The following FUT8 variants were observed in gnomAD, a reference collection of about 807,000 sequenced individuals.
The protein encoded by FUT8 is fucosyltransferase 8, also known as alpha-(1,6)-fucosyltransferase.
Under a neutral mutation model 71.3 loss-of-function variants are expected in FUT8, and 29 were observed. The ratio of observed to expected loss-of-function variants is 0.41; its 90% CI spans 0.30 to 0.55. FUT8 has a LOEUF of 0.55. Among genes scored for constraint, FUT8 ranks in the 20% least tolerant of loss-of-function variants. The pLI is 0.34. For missense variants in FUT8, 544 were observed against 702.1 expected, an observed-to-expected ratio of 0.77 and a Z score of 2.55; for synonymous variants, 254 against 239.3, an observed-to-expected ratio of 1.06 and a Z score of -0.57.
chr14:65,579,543 G>A (rs1886965428), intron 3 of FUT8, among the ~76,000 whole-genome samples: 1 of 152,126 alleles, frequency 6.6e-6, no homozygotes, highest in Non-Finnish European at 1.5e-5. Context: ...ACACAAGTTT[G>A]CTAGATTAGG....
chr14:65,606,880 G>A (rs1162367084), intron 3 of FUT8, among the ~76,000 whole-genome samples: 3 of 151,778 alleles, frequency 2.0e-5, no homozygotes, highest in Non-Finnish European at 4.4e-5. Flanking sequence ...ATCAATTTGG[G>A]AAACAACTAC....
chr14:65,573,405 T>TCAA (rs1886591441), intron 3 of FUT8, among the ~76,000 whole-genome samples: 3 of 151,896 alleles, frequency 2.0e-5, no homozygotes, highest in Admixed American at 6.6e-5. Flanking sequence ...CTTTCAATAT[T>TCAA]TGGAAAATAA....
At chr14:65,605,036 A>T (rs1302948925) in intron 3 of FUT8, among the ~76,000 whole-genome samples, 6 of 151,952 alleles carry the variant, frequency 3.9e-5, no homozygotes, top group Non-Finnish European at 5.9e-5. Context: ...ATGTAAGATT[A>T]TTCATGATTG....
chr14:65,710,586 T>G (rs1894766660), intron 7 of FUT8, among the ~76,000 whole-genome samples: 1 of 152,178 alleles, frequency 6.6e-6, no homozygotes. Context: ...TTGTTGGTGA[T>G]GATTTTTTTT....
At chr14:65,475,946 C>T (rs1000224926) in intron 2 of FUT8, among the ~76,000 whole-genome samples, 4 of 152,098 alleles carry the variant, frequency 2.6e-5, no homozygotes, top group Non-Finnish European at 5.9e-5. Context: ...GGGTCTTTCT[C>T]ACCCTGCTGT....
chr14:65,521,660 T>C (rs147752106), intron 2 of FUT8, among the ~76,000 whole-genome samples: 1,850 of 152,330 alleles, frequency 0.012, 15 homozygotes, highest in South Asian at 0.024. Flanking sequence ...ACATAAGAAA[T>C]TTAACTGTGC....
Position 65,651,044 on chromosome 14 carries a change from A to G in FUT8, c.598-18199A>G, listed in dbSNP as rs1462973272. On this transcript the variant is annotated intron_variant, in intron 6 of 10. Transcript: ENST00000673929. ...GGCACTGCTGCCATGGAAACTGTGG[A>G]TGGAGCTGCAATAACAAGTTTGCAG... Among the ~76,000 whole-genome samples, 6 of 152,298 alleles carry G rather than the reference A, an allele frequency of 3.9e-5. No individual in the cohort carries two copies. The East Asian group carries it at 7.7e-4, about 20-fold the overall frequency.
chr14:65,640,954 A>G (rs11846196), intron 6 of FUT8, among the ~76,000 whole-genome samples: 8,972 of 152,266 alleles, frequency 0.059, 316 homozygotes, highest in Admixed American at 0.11. Context: ...CTTAAACTCA[A>G]GGGTAATCTC....
At chr14:65,598,757 A>G (rs1888138327) in intron 3 of FUT8, among the ~76,000 whole-genome samples, 1 of 152,162 alleles carries the variant, frequency 6.6e-6, no homozygotes, top group South Asian at 2.1e-4. Context: ...TTAGAAGTTA[A>G]GTAAAAATTT....
the FUT8 span, among the ~76,000 whole-genome samples, chr14:65,371,042 T>G: frequency 6.6e-6 from 1 of 152,352 alleles, no homozygotes; most frequent in East Asian, 1.9e-4. Flanking sequence ...TAGTGCCGTC[T>G]CTGGGCCAAT....
the FUT8 span, among the ~76,000 whole-genome samples, chr14:65,402,409 C>G: frequency 3.3e-5 from 5 of 151,884 alleles, no homozygotes; most frequent in African/African-American, 1.2e-4. Flanking sequence ...TGGCTCACAC[C>G]TGTAATCCCA....
chr14:65,602,099 C>T (rs985894945), intron 3 of FUT8, among the ~76,000 whole-genome samples: 2 of 151,578 alleles, frequency 1.3e-5, no homozygotes, highest in Admixed American at 6.6e-5. Flanking sequence ...ACGCTGAACC[C>T]AATTTGTAGT....
intron 2 of FUT8, among the ~76,000 whole-genome samples, chr14:65,522,620 C>T (rs368218786): frequency 7.9e-5 from 12 of 152,064 alleles, no homozygotes; most frequent in East Asian, 1.9e-4. Flanking sequence ...ATGTGCGCGA[C>T]GTGCAGGTTT....
chr14:65,515,112 A>AAACC (rs762692036), intron 2 of FUT8, among the ~76,000 whole-genome samples: 2,262 of 152,330 alleles, frequency 0.015, 19 homozygotes, highest in South Asian at 0.024. Context: ...AGTGGTTGAA[A>AAACC]TTCAGTTCCT....
chr14:65,412,508 C>T (rs958210079), upstream of FUT8: 2 of 359,152 alleles, frequency 5.6e-6, no homozygotes, highest in Non-Finnish European at 1.1e-5. Context: ...GTGTGCGAGC[C>T]GGAGCCGGCG....
chr14:65,656,627 A>T (rs1028603959), intron 6 of FUT8, among the ~76,000 whole-genome samples: 4 of 152,206 alleles, frequency 2.6e-5, no homozygotes, highest in Non-Finnish European at 5.9e-5. Context: ...GAAATAGAAA[A>T]AAGAATCTAA....
At chr14:65,389,484 C>T in the FUT8 span, among the ~76,000 whole-genome samples, 3 of 151,652 alleles carry the variant, frequency 2.0e-5, no homozygotes, top group South Asian at 2.1e-4. Context: ...GCTAATTTTT[C>T]GTATTTTTAG....
intron 2 of FUT8, among the ~76,000 whole-genome samples, chr14:65,474,063 T>C (rs1426591676): frequency 6.6e-6 from 1 of 152,048 alleles, no homozygotes; most frequent in African/African-American, 2.4e-5. Context: ...CTGAATACCA[T>C]ATGTTCTCAC....
intron 3 of FUT8, among the ~76,000 whole-genome samples, chr14:65,583,196 A>C (rs966673778): frequency 1.3e-5 from 2 of 151,726 alleles, no homozygotes; most frequent in African/African-American, 4.8e-5. Context: ...TTTTCTTTTT[A>C]GACAAGATCT....
Sources: gnomAD v4.1 joint callset for allele counts (sites outside exome capture counted in the v4.1 genomes callset) on GRCh38, gnomAD v4.1.1 for gene constraint, MANE v1.5 for transcripts, NCBI Gene and HGNC (gene_info 2026-07-23, HGNC 2026-07-21) for gene names.